Variants in RADX observed in about 807,000 individuals in gnomAD.
The protein encoded by RADX is RPA1 related single stranded DNA binding protein, X-linked.
Under a neutral mutation model 61.6 loss-of-function variants are expected in RADX, and 36 were observed. The ratio of observed to expected loss-of-function variants is 0.58; its 90% CI spans 0.45 to 0.77. The LOEUF (loss-of-function observed/expected upper bound fraction) is 0.77. Among genes scored for constraint, RADX ranks in the 30% least tolerant of loss-of-function variants. The probability of loss-of-function intolerance (pLI) is 0.00; values close to 1 mark genes in which losing one functional copy is unlikely to be tolerated. For missense variants in RADX, 497 were observed against 651.1 expected (o/e 0.76, Z 2.58); for synonymous variants, 272 against 237.9 (o/e 1.14, Z -1.32).
Position 106,633,259 on chromosome X carries a change from G to T in RADX, c.1303+7G>T. The T allele has an allele frequency of 8.4e-7, 1 of 1,186,334 alleles. No homozygotes were observed. The highest frequency in any genetic ancestry group is 2.2e-5 in the Admixed American group (1 of 44,769). ...TTTGAAAATATTTACCCAAGTAAGC[G>T]ATTTTTAATATTTTTATATTATGTT... On this transcript the variant is annotated splice_region_variant and intron_variant, in intron 6 of 13. Coordinates refer to ENST00000372548, the MANE Select transcript of RADX (RefSeq NM_018015.6).
intron 11 of RADX, among the ~76,000 whole-genome samples, chrX:106,652,013 C>T (rs1927803817): frequency 4.8e-5 from 5 of 103,674 alleles, no homozygotes; most frequent in Admixed American, 4.0e-4. Context: ...GGGACTCCAT[C>T]TCTCTCTTTT....
intron 10 of RADX, among the ~76,000 whole-genome samples, chrX:106,641,700 A>G (rs1369498252): frequency 1.8e-5 from 2 of 110,857 alleles, no homozygotes; most frequent in African/African-American, 3.3e-5. Flanking sequence ...CACTTCTACA[A>G]TCCTGGGTGA....
chrX:106,617,321 C>T (rs1279974682), intron 1 of RADX, among the ~76,000 whole-genome samples: 5 of 110,578 alleles, frequency 4.5e-5, no homozygotes, highest in African/African-American at 1.6e-4. Context: ...CCACTGTGCC[C>T]GGCTCTTTTT....
In RADX at chrX:106,630,919, A is replaced by G. The variant is rs146681815; in HGVS notation, c.980-1706A>G. On this transcript the variant is annotated intron_variant, in intron 3 of 13. Transcript: ENST00000372548. ...CCCTGAACCTAAAATAAAAGTTTTT[A>G]AAAATAAAAATTAAAAGTAATAAGA... Among the ~76,000 whole-genome samples, 261 of 112,405 alleles carry G rather than the reference A, an allele frequency of 2.3e-3. 9 individuals carry two copies. The East Asian group carries it at 0.065, about 28-fold the overall frequency.
intron 1 of RADX, among the ~76,000 whole-genome samples, chrX:106,616,742 C>G (rs1013289799): frequency 3.1e-4 from 34 of 110,489 alleles, no homozygotes; most frequent in African/African-American, 1.1e-3. Context: ...TCTTTCAAAT[C>G]CATTAAAAAA....
intron 6 of RADX, among the ~76,000 whole-genome samples, chrX:106,635,384 T>G (rs762739574): frequency 9.0e-6 from 1 of 111,537 alleles, no homozygotes; most frequent in East Asian, 2.8e-4. Context: ...AATTTAGAAT[T>G]AGAGGTTTCT....
At chrX:106,620,192 A>G (rs1467397230) in intron 1 of RADX, among the ~76,000 whole-genome samples, 1 of 112,387 alleles carries the variant, frequency 8.9e-6, no homozygotes, top group African/African-American at 3.2e-5. Context: ...TTATTAAGCT[A>G]GATACTAACA....
intron 3 of RADX, among the ~76,000 whole-genome samples, chrX:106,630,082 G>A (rs1356812724): frequency 8.9e-6 from 1 of 111,863 alleles, no homozygotes; most frequent in African/African-American, 3.2e-5. Context: ...CAGCACTTTG[G>A]GAGGCCAAGG....
Position 106,633,004 on chromosome X carries a change from C to T in RADX, c.1161C>T (p.Val387=), listed in dbSNP as rs1166746234. The T allele has an allele frequency of 1.7e-6, 2 of 1,204,893 alleles. No homozygotes were observed. The highest frequency in any genetic ancestry group is 2.2e-5 in the Admixed American group (1 of 45,592). The change falls in exon 5 of 14, where the codon GTC becomes GTT. Residue 387 remains valine (V), a synonymous_variant. Transcript: ENST00000372548. ...VIGLLVFVGR[V]QRSKKKENRE... ...GCCTTTTAGTTTTTGTAGGAAGGGT[C>T]CAGCGGTCAAAAAAGAAAGGTAAGC...
chrX:106,647,301 T>A (rs1927682580), intron 10 of RADX, among the ~76,000 whole-genome samples: 1 of 111,332 alleles, frequency 9.0e-6, no homozygotes, highest in African/African-American at 3.3e-5. Context: ...GTTCTATCCA[T>A]GTCATTGCAA....
In RADX at chrX:106,625,233, A is replaced by G. The variant is rs1337527365; in HGVS notation, c.930A>G (p.Arg310=). Residue 310 remains arginine, a synonymous_variant, in exon 3 of 14, where the codon AGA becomes AGG. Transcript: ENST00000372548. ...DYSVKKSYPF[R]IQPVPVDPQI... ...CTGTTAAAAAGAGTTATCCATTCAG[A>G]ATACAGCCTGTCCCCGTGGATCCAC... 1 of 1,193,999 alleles carries G rather than the reference A, an allele frequency of 8.4e-7. No homozygotes were observed. Among genetic ancestry groups the G allele is most frequent in the East Asian group, 3.0e-5 (1 of 33,218 alleles).
At chrX:106,642,725 A>G (rs1338679051) in intron 10 of RADX, among the ~76,000 whole-genome samples, 1 of 111,812 alleles carries the variant, frequency 8.9e-6, no homozygotes, top group Non-Finnish European at 1.9e-5. Flanking sequence ...GAGTGCAGAT[A>G]TCTCTTTGGT....
In RADX at chrX:106,636,661, T is replaced by C; in HGVS notation, c.1408+14T>C. On this transcript the variant is annotated intron_variant, in intron 7 of 13. Transcript: ENST00000372548. ...TGTTTATTACTGGTGAGTAATTTCTTTGTGTATATTATTAGAAATATATTT... is the reference window on the plus strand; with the variant it reads ...TGTTTATTACTGGTGAGTAATTTCTCTGTGTATATTATTAGAAATATATTT... 1 of 927,484 alleles carries C rather than the reference T, an allele frequency of 1.1e-6. No individual in the cohort carries two copies. Among genetic ancestry groups the C allele is most frequent in the Non-Finnish European group, 1.5e-6 (1 of 650,082 alleles). 76.4% of individuals were successfully genotyped at this position (927,484 alleles called of 1,213,427 possible). A position where few individuals can be genotyped will look rare whatever the true frequency, so the allele number is the denominator to read the frequency against.
chrX:106,614,089 A>G (rs1269239487), intron 1 of RADX, among the ~76,000 whole-genome samples: 1 of 111,820 alleles, frequency 8.9e-6, no homozygotes. Flanking sequence ...AATGTTAGTG[A>G]TAAAATCTAG....
chrX:106,650,885 G>C (rs1279413129), intron 11 of RADX, among the ~76,000 whole-genome samples: 2 of 111,300 alleles, frequency 1.8e-5, no homozygotes, highest in African/African-American at 6.5e-5. Context: ...TGTATTTGGA[G>C]ATACTGATGA....
intron 3 of RADX, among the ~76,000 whole-genome samples, chrX:106,630,787 G>A (rs2147618262): frequency 9.0e-6 from 1 of 111,064 alleles, no homozygotes; most frequent in South Asian, 3.8e-4. Flanking sequence ...GAGAGGATCA[G>A]AAAAAATAAC....
chrX:106,673,677 C>CT (rs199778752), intron 13 of RADX, among the ~76,000 whole-genome samples: 30 of 100,369 alleles, frequency 3.0e-4, no homozygotes, highest in African/African-American at 1.2e-3. Context: ...GTCTCCCCCC[C>CT]ATCCCCCCCC....
chrX:106,661,630 T>G (rs1928100185), intron 11 of RADX, among the ~76,000 whole-genome samples: 1 of 111,257 alleles, frequency 9.0e-6, no homozygotes, highest in African/African-American at 3.3e-5. Context: ...GGCTCAAATT[T>G]CCACCAAGAG....
Position 106,633,255 on chromosome X carries a change from A to G in RADX, c.1303+3A>G, listed in dbSNP as rs1927280158. 4.2e-6 allele frequency: 5 copies of G among 1,192,659 alleles called. No homozygotes were observed. Among genetic ancestry groups the G allele is most frequent in the Non-Finnish European group, 5.7e-6 (5 of 882,084 alleles). On this transcript the variant is annotated splice_donor_region_variant and intron_variant, in intron 6 of 13. Coordinates refer to ENST00000372548, the MANE Select transcript of RADX (RefSeq NM_018015.6). The stretch of plus-strand genomic sequence containing the variant: ...AATCTTTGAAAATATTTACCCAAGT[A>G]AGCGATTTTTAATATTTTTATATTA...
Sources: allele counts gnomAD v4.1 joint callset (sites outside exome capture counted in the v4.1 genomes callset), GRCh38; gene constraint gnomAD v4.1.1; transcripts MANE v1.5; gene names NCBI Gene and HGNC (gene_info 2026-07-23, HGNC 2026-07-21).